Variants in UGT1A6 observed in about 807,000 individuals in gnomAD.
UGT1A6 encodes the protein UDP glucuronosyltransferase family 1 member A6, also known as UDP-glucuronosyltransferase 1A6.
A neutral mutation model predicts 44.4 loss-of-function variants in UGT1A6; 32 were observed. The ratio of observed to expected loss-of-function variants is 0.72; its 90% CI spans 0.54 to 0.97. The LOEUF is 0.97. UGT1A6 is among the 50% of genes least tolerant of loss of function. The pLI is 0.00. For synonymous variants in UGT1A6, 238 were observed against 248.5 expected (o/e 0.96, Z 0.40); for missense variants, 685 against 661.9 (o/e 1.03, Z -0.38).
At chr2:233,744,014 C>G (rs1692649024) in intron 1 of UGT1A6, 1 of 1,062,236 alleles carries the variant, frequency 9.4e-7, no homozygotes, top group Non-Finnish European at 1.2e-6. Context: ...CCTGGGCCGC[C>G]TGGAGAGACG....
At chr2:233,694,816 T>C (rs1479520532) in intron 1 of UGT1A6, among the ~76,000 whole-genome samples, 1 of 152,198 alleles carries the variant, frequency 6.6e-6, no homozygotes, top group Non-Finnish European at 1.5e-5. Context: ...TTCTGGGGCA[T>C]GAAATAAAAA....
intron 1 of UGT1A6, among the ~76,000 whole-genome samples, chr2:233,751,914 C>A (rs1246513527): frequency 6.6e-6 from 1 of 152,060 alleles, no homozygotes; most frequent in Non-Finnish European, 1.5e-5. Context: ...CAGACTAATA[C>A]AAGATTGGTG....
intron 1 of UGT1A6, among the ~76,000 whole-genome samples, chr2:233,703,459 ATTC>A (rs2075739699): frequency 6.6e-6 from 1 of 151,408 alleles, no homozygotes; most frequent in Non-Finnish European, 1.5e-5. Context: ...TTTCCCCTCT[ATTC>A]TTTATTATTT....
chr2:233,755,215 T>TA (rs1473276470), intron 1 of UGT1A6: 1 of 1,037,208 alleles, frequency 9.6e-7, no homozygotes, highest in Admixed American at 1.9e-5. Context: ...GCCTTCTTGA[T>TA]ACCCTCGGAC....
At chr2:233,768,541 A>C (rs1699639375) in intron 4 of UGT1A6, 102 bp downstream of exon 4, 3 of 1,492,216 alleles carry the variant, frequency 2.0e-6, no homozygotes, top group Non-Finnish European at 2.7e-6. Flanking sequence ...GTTGTTTCAA[A>C]TATAAAAACA....
At chr2:233,708,713 T>G (rs1289460681) in intron 1 of UGT1A6, 1 of 152,206 alleles carries the variant, frequency 6.6e-6, no homozygotes, top group Non-Finnish European at 1.5e-5. Flanking sequence ...TTTGCATCAT[T>G]GCACCTCAGC....
chr2:233,768,725 G>T (rs933444797), intron 4 of UGT1A6, among the ~76,000 whole-genome samples: 1 of 151,378 alleles, frequency 6.6e-6, no homozygotes, highest in African/African-American at 2.4e-5. Context: ...TGGGATTACA[G>T]GTGTCCACCA....
chr2:233,713,105 C>A (rs1300950755), intron 1 of UGT1A6: 1 of 1,614,212 alleles, frequency 6.2e-7, no homozygotes, highest in Admixed American at 1.7e-5. Flanking sequence ...CCACTGATGG[C>A]AGCCACTGGC....
At chr2:233,718,427 T>C (rs551386260) in intron 1 of UGT1A6, among the ~76,000 whole-genome samples, 2 of 152,232 alleles carry the variant, frequency 1.3e-5, no homozygotes, top group East Asian at 3.9e-4. Context: ...GAACATGTGG[T>C]TGGGGACTAG....
At chr2:233,760,316 C>T in intron 1 of UGT1A6, 1 of 1,614,002 alleles carries the variant, frequency 6.2e-7, no homozygotes, top group South Asian at 1.1e-5. Flanking sequence ...GGCGGACGCC[C>T]ACTTGTCCTG....
At chr2:233,749,829 T>G (rs758485445) in intron 1 of UGT1A6, among the ~76,000 whole-genome samples, 2 of 151,956 alleles carry the variant, frequency 1.3e-5, no homozygotes, top group Non-Finnish European at 2.9e-5. Context: ...CTCTCTTTCA[T>G]GTAAGACGTG....
chr2:233,717,384 C>T (rs1271366561), intron 1 of UGT1A6, among the ~76,000 whole-genome samples: 1 of 152,240 alleles, frequency 6.6e-6, no homozygotes, highest in Non-Finnish European at 1.5e-5. Context: ...CAGACCTGCC[C>T]TCTCTGTGCC....
rs543664272 is a variant in UGT1A6 at position 233,740,192 on chromosome 2, C to A, written c.862-26842C>A. Among the ~76,000 whole-genome samples, 491 of 151,932 alleles carry A rather than the reference C, an allele frequency of 3.2e-3. 4 individuals are homozygous for A. The highest frequency in any genetic ancestry group is 5.8e-3 in the Non-Finnish European group (395 of 68,032). On this transcript the variant is annotated intron_variant, in intron 1 of 4. Transcript: ENST00000305139. ...AACTGTGAGTCAATTAAACCTCTTT[C>A]TTTTATAAATTACCCAGTCTCAGCT...
At chr2:233,759,870 C>G (rs1487937360) in intron 1 of UGT1A6, among the ~76,000 whole-genome samples, 1 of 152,172 alleles carries the variant, frequency 6.6e-6, no homozygotes, top group African/African-American at 2.4e-5. Context: ...AGCGGGGGTA[C>G]AGTTGTGTTC....
At chr2:233,732,500 A>G (rs1425812715) in intron 1 of UGT1A6, among the ~76,000 whole-genome samples, 1 of 152,238 alleles carries the variant, frequency 6.6e-6, no homozygotes, top group Non-Finnish European at 1.5e-5. Context: ...GGCGTAAGGA[A>G]GGGATCCTGT....
chr2:233,729,233 T>G, intron 1 of UGT1A6: 1 of 1,614,178 alleles, frequency 6.2e-7, no homozygotes, highest in South Asian at 1.1e-5. Flanking sequence ...GTGGTGCCCA[T>G]TGATGGCAGC....
In UGT1A6 at chr2:233,768,235, G is replaced by A. The variant is rs374047963; in HGVS notation, c.1097G>A (p.Arg366His). ...QNDLLGHPMT[R>H]AFITHAGSHG... ...TGCATCTCAGGTCACCCGATGACCC[G>A]TGCCTTTATCACCCATGCTGGTTCC... Residue 366 changes from arginine (R) to histidine (H), a missense_variant, in exon 4 of 5, where the codon CGT becomes CAT. Physicochemically the swap from Arg to His is conservative, Grantham distance 29. Transcript: ENST00000305139. 3.8e-5 allele frequency: 62 copies of A among 1,614,018 alleles called. No homozygotes were observed. The highest frequency in any genetic ancestry group is 1.6e-4 in the Middle Eastern group (1 of 6,084).
At chr2:233,762,433 T>C (rs1249713494) in intron 1 of UGT1A6, among the ~76,000 whole-genome samples, 1 of 152,232 alleles carries the variant, frequency 6.6e-6, no homozygotes, top group African/African-American at 2.4e-5. Context: ...AGAGTAACAG[T>C]GTATTCCCAC....
intron 1 of UGT1A6, among the ~76,000 whole-genome samples, chr2:233,715,670 G>A (rs1428393419): frequency 6.6e-6 from 1 of 152,106 alleles, no homozygotes; most frequent in Non-Finnish European, 1.5e-5. Flanking sequence ...TACTCGGGAG[G>A]CTGAGGCAGG....
Sources: gnomAD v4.1 joint callset for allele counts (sites outside exome capture counted in the v4.1 genomes callset) on GRCh38, gnomAD v4.1.1 for gene constraint, MANE v1.5 for transcripts, NCBI Gene and HGNC (gene_info 2026-07-23, HGNC 2026-07-21) for gene names.